ATMIN: variants seen among roughly 807,000 people sequenced by gnomAD.
The protein encoded by ATMIN is ATM INteracting protein.
ATMIN carries 24 observed loss-of-function variants against 49.2 expected under a neutral mutation model. The observed-to-expected ratio is 0.49, with a 90% CI of 0.35 to 0.69. The LOEUF (loss-of-function observed/expected upper bound fraction) is 0.69, where lower values mean the gene tolerates loss of function less well. ATMIN is among the 30% of genes least tolerant of loss of function. The pLI is 0.00. For missense variants in ATMIN, 1,037 were observed against 1,005.5 expected, an observed-to-expected ratio of 1.03 and a Z score of -0.42; for synonymous variants, 450 against 392.5, an observed-to-expected ratio of 1.15 and a Z score of -1.73.
Position 81,036,107 on chromosome 16 carries a change from C to T in ATMIN, c.237C>T (p.Ala79=). The T allele has an allele frequency of 7.0e-7, 1 of 1,427,864 alleles. No homozygotes were observed. 88.4% of individuals were successfully genotyped at this position (1,427,864 alleles called of 1,614,324 possible). ...CGTCGGTGAGCGAGCTGTCCCGGGCCGTGCGGACCAACATCCTGTGCACCG... is the reference window on the plus strand; with the variant it reads ...CGTCGGTGAGCGAGCTGTCCCGGGCTGTGCGGACCAACATCCTGTGCACCG... The part of the protein sequence containing the change: ...IQPSVSELSR[A]VRTNILCTVR... The change falls in exon 1 of 4, where the codon GCC becomes GCT. Residue 79 remains alanine (A), a synonymous_variant. Transcript: ENST00000299575.
intron 1 of ATMIN, 136 bp from the exon 2 acceptor site, chr16:81,041,220 C>A: frequency 1.1e-6 from 1 of 916,476 alleles, no homozygotes; most frequent in Non-Finnish European, 1.6e-6. Context: ...TTTTCTCTTA[C>A]TGCTGACACT....
At chr16:81,036,289 G>C (rs1204089079) in intron 1 of ATMIN, 83 bp downstream of exon 1, 1 of 1,108,106 alleles carries the variant, frequency 9.0e-7, no homozygotes, top group Non-Finnish European at 1.1e-6. Flanking sequence ...AGCCGGCCTC[G>C]GGGGGACGAG....
chr16:81,043,970 G>A lies in ATMIN; in HGVS notation c.1472G>A (p.Arg491Lys), dbSNP rs1597127000. ...DTCFQSGGVS[R>K]ETQTSGIESP... is the part of the protein sequence containing the mutation. ...TGTTTCCAGTCAGGTGGGGTCTCCA[G>A]AGAAACTCAAACCAGTGGGATAGAA... Residue 491 changes from arginine to lysine, a missense_variant, in exon 4 of 4, where the codon AGA (arginine) becomes AAA (lysine). Physicochemically the swap from Arg to Lys is conservative, Grantham distance 26 (BLOSUM62 2). Coordinates refer to ENST00000299575, the MANE Select transcript of ATMIN (RefSeq NM_015251.3). The A allele has an allele frequency of 5.0e-6, 8 of 1,614,192 alleles. No individual in the cohort carries two copies. The highest frequency in any genetic ancestry group is 5.1e-6 in the Non-Finnish European group (6 of 1,180,034).
chr16:81,037,287 T>G, intron 1 of ATMIN: 1 of 985,436 alleles, frequency 1.0e-6, no homozygotes, highest in Non-Finnish European at 1.2e-6. Context: ...ACCCAGAATA[T>G]TGCATGTTCT....
chr16:81,042,645 CAT>C lies in ATMIN; in HGVS notation c.662+166_662+167del, dbSNP rs369224684. 2.0e-3 allele frequency among the ~76,000 whole-genome samples: 298 copies of C among 152,290 alleles called. 2 individuals carry two copies. The highest frequency in any genetic ancestry group is 6.3e-3 in the African/African-American group (262 of 41,554). On this transcript the variant is annotated intron_variant, in intron 3 of 3. Coordinates refer to ENST00000299575, the MANE Select transcript of ATMIN (RefSeq NM_015251.3). ...ATGGAAGCAGGTCTTGCAAATGACA[CAT>C]GTCTGGGCCTGAAATCTTGACCCAA...
Position 81,043,316 on chromosome 16 carries a change from A to C in ATMIN, c.818A>C (p.Asp273Ala). The change falls in exon 4 of 4, where the codon GAC becomes GCC. Residue 273 changes from aspartate (D) to alanine (A), a missense_variant. Coordinates refer to ENST00000299575, the MANE Select transcript of ATMIN (RefSeq NM_015251.3). The stretch of plus-strand genomic sequence containing the variant: ...ATAAAGCTAGAACCATCTTTTGAAG[A>C]CTCTTGTGGCTCTAACACTGACAAG... ...SEIKLEPSFE[D>A]SCGSNTDKQT... 1 of 1,613,842 alleles carries C rather than the reference A, an allele frequency of 6.2e-7. No individual in the cohort carries two copies. Among genetic ancestry groups the C allele is most frequent in the Middle Eastern group, 1.7e-4 (1 of 6,060 alleles).
At position 81,035,986 on chromosome 16, in the gene ATMIN, C is replaced by G. The variant is rs1970920508; in HGVS notation, c.116C>G (p.Pro39Arg). 1 of 1,103,366 alleles carries G rather than the reference C, an allele frequency of 9.1e-7. No homozygotes were observed. Among genetic ancestry groups the G allele is most frequent in the African/African-American group, 1.7e-5 (1 of 59,600 alleles). 68.3% of individuals were successfully genotyped at this position (1,103,366 alleles called of 1,614,324 possible). Residue 39 changes from proline to arginine, a missense_variant, in exon 1 of 4, where the codon CCC becomes CGC. Coordinates refer to ENST00000299575, the MANE Select transcript of ATMIN (RefSeq NM_015251.3). ...AAAAASGPWV[P>R]PGPRLRGSRP... ...GCCGCCGCCTCGGGCCCGTGGGTGCCCCCGGGACCCCGACTGAGGGGCAGC... is the reference window on the plus strand; with the variant it reads ...GCCGCCGCCTCGGGCCCGTGGGTGCGCCCGGGACCCCGACTGAGGGGCAGC...
In ATMIN at chr16:81,036,004, G is replaced by T; in HGVS notation, c.134G>T (p.Arg45Met). The T allele has an allele frequency of 8.8e-7, 1 of 1,137,090 alleles. No individual in the cohort carries two copies. The highest frequency in any genetic ancestry group is 1.1e-6 in the Non-Finnish European group (1 of 926,892). The allele number at this position is 1,137,090 out of a possible 1,614,324, so 70.4% of individuals were successfully genotyped here. A position where few individuals can be genotyped will look rare whatever the true frequency, so the allele number is the denominator to read the frequency against. Reference protein sequence around the residue: ...GPWVPPGPRLRGSRPRPAGAT... With the variant: ...GPWVPPGPRLMGSRPRPAGAT... ...TGGGTGCCCCCGGGACCCCGACTGA[G>T]GGGCAGCCGGCCGCGGCCCGCGGGG... The change falls in exon 1 of 4, where the codon AGG becomes ATG. Residue 45 changes from arginine to methionine, a missense_variant. Coordinates refer to ENST00000299575, the MANE Select transcript of ATMIN (RefSeq NM_015251.3).
At position 81,043,621 on chromosome 16, in the gene ATMIN, A is replaced by C. The variant is rs141595738; in HGVS notation, c.1123A>C (p.Ile375Leu). 565 of 1,614,160 alleles carry C rather than the reference A, an allele frequency of 3.5e-4. 1 individual carries two copies. Among genetic ancestry groups the C allele is most frequent in the Non-Finnish European group, 4.4e-4 (518 of 1,180,028 alleles). The change falls in exon 4 of 4, where the codon ATT (isoleucine) becomes CTT (leucine). Residue 375 changes from isoleucine to leucine, a missense_variant. By Grantham distance (5) the Ile-to-Leu change is conservative. Transcript: ENST00000299575. ...SLPLFKIANP[I>L]AGEPISTGVQ... ...ACCTCTTTTCAAAATTGCTAATCCT[A>C]TTGCTGGTGAGCCAATAAGTACTGG...
chr16:81,036,096 C>T lies in ATMIN; in HGVS notation c.226C>T (p.Leu76=). The change falls in exon 1 of 4, where the codon CTG becomes TTG. Residue 76 remains leucine, a synonymous_variant. Coordinates refer to ENST00000299575, the MANE Select transcript of ATMIN (RefSeq NM_015251.3). ...GCTGATCCAGCCGTCGGTGAGCGAG[C>T]TGTCCCGGGCCGTGCGGACCAACAT... The part of the protein sequence containing the change: ...GELIQPSVSE[L]SRAVRTNILC... 1 of 1,365,694 alleles carries T rather than the reference C, an allele frequency of 7.3e-7. No homozygotes were observed. Among genetic ancestry groups the T allele is most frequent in the East Asian group, 3.0e-5 (1 of 33,604 alleles). The allele number at this position is 1,365,694 out of a possible 1,614,324, so 84.6% of individuals were successfully genotyped here. A position where few individuals can be genotyped will look rare whatever the true frequency, so the allele number is the denominator to read the frequency against.
chr16:81,036,253 A>C, intron 1 of ATMIN, 47 bp downstream of exon 1: 1 of 1,227,646 alleles, frequency 8.1e-7, no homozygotes. Context: ...CCTGGCTCCA[A>C]CAAAGCGCCC....
intron 1 of ATMIN, among the ~76,000 whole-genome samples, chr16:81,038,760 A>G (rs1239298430): frequency 6.6e-6 from 1 of 152,118 alleles, no homozygotes; most frequent in African/African-American, 2.4e-5. Flanking sequence ...AGCTGAGACT[A>G]TAGGCTCCTG....
chr16:81,035,968 C>T lies in ATMIN; in HGVS notation c.98C>T (p.Ala33Val). 1 of 1,058,354 alleles carries T rather than the reference C, an allele frequency of 9.4e-7. No individual in the cohort carries two copies. Among genetic ancestry groups the T allele is most frequent in the Non-Finnish European group, 1.1e-6 (1 of 878,152 alleles). 65.6% of individuals were successfully genotyped at this position (1,058,354 alleles called of 1,614,324 possible). A position where few individuals can be genotyped will look rare whatever the true frequency, so the allele number is the denominator to read the frequency against. ...GCCACGACAGGAGCCGCCGCCGCCG[C>T]CTCGGGCCCGTGGGTGCCCCCGGGA... Reference protein sequence around the residue: ...PAATTGAAAAASGPWVPPGPR... With the variant: ...PAATTGAAAAVSGPWVPPGPR... Residue 33 changes from alanine (A) to valine (V), a missense_variant, in exon 1 of 4, where the codon GCC becomes GTC. Ala to Val is a moderately conservative substitution (Grantham distance 64, BLOSUM62 0). Transcript: ENST00000299575.
chr16:81,041,378 TAAGAA>T lies in ATMIN; in HGVS notation c.364_368del (p.Lys122PhefsTer13). The T allele has an allele frequency of 6.2e-7, 1 of 1,613,252 alleles. No homozygotes were observed. Among genetic ancestry groups the T allele is most frequent in the South Asian group, 1.1e-5 (1 of 90,780 alleles). Reference sequence around the variant, plus strand: ...CAGGATGGCATAGTCAATCCAACAATAAGAAAAGATTTGAAAACTGGACCGAAATT... The same window carrying T: ...CAGGATGGCATAGTCAATCCAACAATAAGATTTGAAAACTGGACCGAAATT... On this transcript the variant is annotated frameshift_variant, in exon 2 of 4. Transcript: ENST00000299575. LOFTEE classifies it high-confidence loss of function.
At chr16:81,043,050 C>A in intron 3 of ATMIN, 111 bp from the exon 4 acceptor site, 1 of 1,318,750 alleles carries the variant, frequency 7.6e-7, no homozygotes, top group Non-Finnish European at 1.0e-6. Flanking sequence ...CTGGGTTGAA[C>A]ATGACCTCTG....
rs756663839 is a variant in ATMIN, at chr16:81,044,013, T to G, written c.1515T>G (p.His505Gln). 6.2e-7 allele frequency: 1 copy of G among 1,614,220 alleles called. No individual in the cohort carries two copies. Among genetic ancestry groups the G allele is most frequent in the Admixed American group, 1.7e-5 (1 of 60,036 alleles). Residue 505 changes from histidine to glutamine, a missense_variant, in exon 4 of 4, where the codon CAT becomes CAG. Physicochemically the swap from His to Gln is conservative, Grantham distance 24. Coordinates refer to ENST00000299575, the MANE Select transcript of ATMIN (RefSeq NM_015251.3). ...TSGIESPTDD[H>Q]VQMDQAGMCG... is the part of the protein sequence containing the mutation. ...GGATAGAAAGTCCAACGGATGACCA[T>G]GTACAGATGGACCAAGCTGGAATGT...
chr16:81,040,721 A>C (rs1971023227), intron 1 of ATMIN: 1 of 152,290 alleles, frequency 6.6e-6, no homozygotes, highest in Non-Finnish European at 1.5e-5. Context: ...TTGGGACTTG[A>C]ACAGTACGGG....
At chr16:81,042,599 G>A (rs1425482658) in intron 3 of ATMIN, 119 bp downstream of exon 3, 1 of 1,053,128 alleles carries the variant, frequency 9.5e-7, no homozygotes. Context: ...TGTGTGACGT[G>A]GAAGAAGGAA....
Position 81,035,864 on chromosome 16 carries a change from G to GGGA in ATMIN, c.-5_-3dup, listed in dbSNP as rs1970915377. 4.6e-6 allele frequency: 4 copies of GGGA among 875,978 alleles called. No homozygotes were observed. In the Admixed American group the frequency reaches 2.5e-4, roughly 55 times the overall value. 54.3% of individuals were successfully genotyped at this position (875,978 alleles called of 1,614,324 possible). A position where few individuals can be genotyped will look rare whatever the true frequency, so the allele number is the denominator to read the frequency against. On this transcript the variant is annotated 5_prime_UTR_variant, in exon 1 of 4. Coordinates refer to ENST00000299575, the MANE Select transcript of ATMIN (RefSeq NM_015251.3). ...TACGAACTGGGCCGGGCGGCCGTGC[G>GGGA]GGAGCCATGGCGGCCTCGGAGGCGG...
Sources: allele counts gnomAD v4.1 joint callset (sites outside exome capture counted in the v4.1 genomes callset), GRCh38; gene constraint gnomAD v4.1.1; transcripts MANE v1.5; gene names NCBI Gene and HGNC (gene_info 2026-07-23, HGNC 2026-07-21).